GPC5: variants seen among roughly 807,000 people sequenced by gnomAD.
GPC5 encodes the protein glypican-5.
GPC5 carries 47 observed loss-of-function variants against 53.9 expected under a neutral mutation model. That is an observed-to-expected ratio of 0.87 (90% confidence interval 0.69 to 1.11). The LOEUF (loss-of-function observed/expected upper bound fraction) is 1.11. GPC5 is among the 50% of genes most tolerant of loss of function. GPC5 has a pLI of 0.00. For missense variants in GPC5, 748 were observed against 713.1 expected (o/e 1.05, Z -0.56); for synonymous variants, 286 against 263.3 (o/e 1.09, Z -0.84).
chr13:92,770,104 C>T (rs1385963307), intron 7 of GPC5, among the ~76,000 whole-genome samples: 1 of 152,082 alleles, frequency 6.6e-6, no homozygotes, highest in Non-Finnish European at 1.5e-5. Flanking sequence ...TTCCTTACCC[C>T]AAAACCTCTC....
intron 3 of GPC5, among the ~76,000 whole-genome samples, chr13:91,710,892 A>G (rs947842137): frequency 8.5e-5 from 13 of 152,236 alleles, no homozygotes; most frequent in African/African-American, 3.1e-4. Flanking sequence ...GTTCAGGGAA[A>G]GCCTACACAC....
rs147085893 is a variant in GPC5 at position 92,000,373 on chromosome 13, A to G, written c.1401+92316A>G. Among the ~76,000 whole-genome samples the G allele has an allele frequency of 2.2e-3, 336 of 152,246 alleles. 1 individual carries two copies. Among genetic ancestry groups the G allele is most frequent in the African/African-American group, 7.8e-3 (322 of 41,544 alleles). On this transcript the variant is annotated intron_variant, in intron 6 of 7. Coordinates refer to ENST00000377067, the MANE Select transcript of GPC5 (RefSeq NM_004466.6). Reference sequence around the variant, plus strand: ...AACTATTCTTCAGAAATAAATATATATCATTCTTAAAACTTTAGGTGAGAC... The same window carrying G: ...AACTATTCTTCAGAAATAAATATATGTCATTCTTAAAACTTTAGGTGAGAC...
rs529168391 is a variant in GPC5, at chr13:91,970,088, A to T, written c.1401+62031A>T. 1.3e-4 allele frequency among the ~76,000 whole-genome samples: 20 copies of T among 152,318 alleles called. No individual in the cohort carries two copies. The South Asian group carries it at 2.5e-3, about 19-fold the overall frequency. On this transcript the variant is annotated intron_variant, in intron 6 of 7. Coordinates refer to ENST00000377067, the MANE Select transcript of GPC5 (RefSeq NM_004466.6). ...CACAATGGAAAACTATTCAGTATTT[A>T]AAAAAGAGGGAAATTTTGCCTTCCA...
At chr13:92,739,389 T>G (rs969293825) in intron 7 of GPC5, among the ~76,000 whole-genome samples, 1 of 152,088 alleles carries the variant, frequency 6.6e-6, no homozygotes, top group African/African-American at 2.4e-5. Context: ...AGGCTGCCCA[T>G]GATAGTTGCT....
At chr13:91,434,662 G>C (rs1020479117) in intron 1 of GPC5, among the ~76,000 whole-genome samples, 3 of 149,352 alleles carry the variant, frequency 2.0e-5, no homozygotes, top group African/African-American at 7.3e-5. Flanking sequence ...TTCTTTTGGC[G>C]ATGCGGGCTC....
intron 6 of GPC5, among the ~76,000 whole-genome samples, chr13:91,956,809 A>G (rs1183705515): frequency 6.6e-6 from 1 of 152,216 alleles, no homozygotes; most frequent in Non-Finnish European, 1.5e-5. Context: ...CCAGAGATAC[A>G]TTATCAGGAA....
chr13:92,821,465 C>T (rs1348415857), intron 7 of GPC5, among the ~76,000 whole-genome samples: 1 of 152,094 alleles, frequency 6.6e-6, no homozygotes, highest in East Asian at 1.9e-4. Context: ...TTTTCTGCTA[C>T]TCCTCAGTAG....
chr13:91,840,667 C>A (rs2038775432), intron 5 of GPC5, among the ~76,000 whole-genome samples: 1 of 151,496 alleles, frequency 6.6e-6, no homozygotes. Context: ...TACGCCATAC[C>A]AGATATGCTA....
chr13:92,091,763 GAA>G (rs758069084), intron 6 of GPC5, among the ~76,000 whole-genome samples: 82 of 86,026 alleles, frequency 9.5e-4, no homozygotes, highest in Middle Eastern at 6.1e-3. Flanking sequence ...CCCCCACAGT[GAA>G]AAAAAAAAAA....
intron 2 of GPC5, among the ~76,000 whole-genome samples, chr13:91,527,130 AAAGC>A (rs1238122795): frequency 1.3e-5 from 2 of 152,198 alleles, no homozygotes; most frequent in Admixed American, 1.3e-4. Flanking sequence ...ATAGTTCTGC[AAAGC>A]TTTAACTTAT....
intron 2 of GPC5, among the ~76,000 whole-genome samples, chr13:91,554,642 A>G (rs946853134): frequency 2.0e-5 from 3 of 152,122 alleles, no homozygotes; most frequent in Non-Finnish European, 4.4e-5. Flanking sequence ...GAGTCTTCTT[A>G]GGTCCAATGG....
chr13:92,813,130 T>G (rs1192550554), intron 7 of GPC5, among the ~76,000 whole-genome samples: 2 of 151,926 alleles, frequency 1.3e-5, no homozygotes, highest in Non-Finnish European at 1.5e-5. Flanking sequence ...CATGCAGGAC[T>G]GGTTTTATTG....
intron 7 of GPC5, among the ~76,000 whole-genome samples, chr13:92,720,743 T>G (rs1888486209): frequency 6.6e-6 from 1 of 152,146 alleles, no homozygotes; most frequent in Admixed American, 6.6e-5. Flanking sequence ...GGGAAAATTT[T>G]GAAATGTGAA....
At chr13:92,227,136 A>T (rs1211896424) in intron 7 of GPC5, among the ~76,000 whole-genome samples, 1 of 152,182 alleles carries the variant, frequency 6.6e-6, no homozygotes, top group African/African-American at 2.4e-5. Flanking sequence ...TGTCTGTGTG[A>T]AAACATTGAA....
At chr13:91,580,666 A>G (rs528433968) in intron 2 of GPC5, among the ~76,000 whole-genome samples, 4 of 152,206 alleles carry the variant, frequency 2.6e-5, no homozygotes, top group Non-Finnish European at 4.4e-5. Context: ...TTATTATGAC[A>G]TGTTTCTTGC....
At chr13:92,702,880 C>A (rs1887799202) in intron 7 of GPC5, among the ~76,000 whole-genome samples, 1 of 151,816 alleles carries the variant, frequency 6.6e-6, no homozygotes, top group African/African-American at 2.4e-5. Flanking sequence ...GCTCCAGCAC[C>A]ACTGGTCTCC....
chr13:92,862,514 A>G (rs1183644079), intron 7 of GPC5, among the ~76,000 whole-genome samples: 1 of 152,060 alleles, frequency 6.6e-6, no homozygotes, highest in Non-Finnish European at 1.5e-5. Flanking sequence ...GAATGGTGAA[A>G]AAGATACCTG....
chr13:92,102,255 A>C (rs2041473370), intron 6 of GPC5, among the ~76,000 whole-genome samples: 1 of 152,162 alleles, frequency 6.6e-6, no homozygotes, highest in Non-Finnish European at 1.5e-5. Flanking sequence ...AAAGATCTAG[A>C]GTTTTAAAGG....
intron 7 of GPC5, among the ~76,000 whole-genome samples, chr13:92,595,015 G>T (rs1459000516): frequency 6.6e-6 from 1 of 152,140 alleles, no homozygotes; most frequent in Non-Finnish European, 1.5e-5. Flanking sequence ...CATGCTTCTA[G>T]GTGTTTAATG....
Sources: allele counts gnomAD v4.1 joint callset (sites outside exome capture counted in the v4.1 genomes callset), GRCh38; gene constraint gnomAD v4.1.1; transcripts MANE v1.5; gene names NCBI Gene and HGNC (gene_info 2026-07-23, HGNC 2026-07-21).